The following ZNF35 variants were observed in gnomAD, a reference collection of about 807,000 sequenced individuals.
ZNF35 encodes the protein zinc finger protein 35 (clone HF.10).
A neutral mutation model predicts 45.9 loss-of-function variants in ZNF35; 31 were observed. The ratio of observed to expected loss-of-function variants is 0.68; its 90% CI spans 0.51 to 0.91. The LOEUF (loss-of-function observed/expected upper bound fraction) is 0.91. Among genes scored for constraint, ZNF35 ranks in the 40% least tolerant of loss-of-function variants. ZNF35 has a pLI of 0.00. For synonymous variants in ZNF35, 205 were observed against 220.2 expected, an observed-to-expected ratio of 0.93 and a Z score of 0.61; for missense variants, 515 against 625.4, an observed-to-expected ratio of 0.82 and a Z score of 1.88.
Position 44,660,599 on chromosome 3 carries a change from T to A in ZNF35, c.*652T>A, listed in dbSNP as rs1283995405. ...TGGGTCTGTTCTGACCATTCCCTAG[T>A]CTCCATGGCCAAGCACTCAAGGATT... On this transcript the variant is annotated 3_prime_UTR_variant, in exon 4 of 4. Coordinates refer to ENST00000396056, the MANE Select transcript of ZNF35 (RefSeq NM_003420.4). The A allele has an allele frequency of 6.6e-6, 1 of 152,214 alleles. No homozygotes were observed. The highest frequency in any genetic ancestry group is 1.5e-5 in the Non-Finnish European group (1 of 68,066). The allele number at this position is 152,214 out of a possible 1,614,324, so 9.4% of individuals were successfully genotyped here.
chr3:44,649,998 G>A (rs191572396), intron 1 of ZNF35, among the ~76,000 whole-genome samples: 1 of 152,238 alleles, frequency 6.6e-6, no homozygotes, highest in East Asian at 1.9e-4. Flanking sequence ...CAATATGTGT[G>A]AAGGTGAACA....
chr3:44,651,060 C>T lies in ZNF35; in HGVS notation c.-8C>T, dbSNP rs369773417. On this transcript the variant is annotated 5_prime_UTR_variant, in exon 2 of 4. It introduces an in-frame stop codon into an upstream open reading frame of the 5' UTR. Coordinates refer to ENST00000396056, the MANE Select transcript of ZNF35 (RefSeq NM_003420.4). Reference sequence around the variant, plus strand: ...CAGCTATAGGAGTTCCCCTGCTGAGCAGAGAAGATGACTGCAGAATTGAGA... The same window carrying T: ...CAGCTATAGGAGTTCCCCTGCTGAGTAGAGAAGATGACTGCAGAATTGAGA... 3.8e-5 allele frequency: 61 copies of T among 1,612,250 alleles called. No individual in the cohort carries two copies. The African/African-American group carries it at 7.3e-4, about 19-fold the overall frequency.
At chr3:44,654,208 C>T (rs528799693) in intron 3 of ZNF35, among the ~76,000 whole-genome samples, 108 of 152,298 alleles carry the variant, frequency 7.1e-4, no homozygotes, top group Non-Finnish European at 1.3e-3. Context: ...AGACCATGTT[C>T]ATACCCAAGA....
Position 44,651,211 on chromosome 3 carries a change from A to G in ZNF35, c.144A>G (p.Pro48=). 6.2e-7 allele frequency: 1 copy of G among 1,614,160 alleles called. No individual in the cohort carries two copies. The highest frequency in any genetic ancestry group is 8.5e-7 in the Non-Finnish European group (1 of 1,180,030). ...CCGAGAACATCAAAGTCTGGGCCCC[A>G]GTGCAGGGTCTTCAGACAGGCCTTG... is the stretch of plus-strand genomic sequence containing the variant. ...VHSENIKVWA[P]VQGLQTGLDG... is the part of the protein sequence containing the mutation. The change falls in exon 2 of 4, where the codon CCA becomes CCG. Residue 48 remains proline, a synonymous_variant. Coordinates refer to ENST00000396056, the MANE Select transcript of ZNF35 (RefSeq NM_003420.4).
At position 44,648,802 on chromosome 3, in the gene ZNF35, G is replaced by A. The variant is rs528964851; in HGVS notation, c.-160G>A. 7 of 152,450 alleles carry A rather than the reference G, an allele frequency of 4.6e-5. No individual in the cohort carries two copies. The highest frequency in any genetic ancestry group is 4.6e-4 in the Admixed American group (7 of 15,302). The allele number at this position is 152,450 out of a possible 1,614,324, so 9.4% of individuals were successfully genotyped here. A position where few individuals can be genotyped will look rare whatever the true frequency, so the allele number is the denominator to read the frequency against. On this transcript the variant is annotated 5_prime_UTR_variant, in exon 1 of 4. In the 5' UTR this introduces an upstream ATG that the reference lacks. Coordinates refer to ENST00000396056, the MANE Select transcript of ZNF35 (RefSeq NM_003420.4). Reference sequence around the variant, plus strand: ...CAGCCAGCCTCCTGCTGCAGAGCCAGTGAACTCAGGTCGGGCTTCTCAGCT... The same window carrying A: ...CAGCCAGCCTCCTGCTGCAGAGCCAATGAACTCAGGTCGGGCTTCTCAGCT...
chr3:44,652,740 G>A, intron 3 of ZNF35, 39 bp downstream of exon 3: 4 of 1,490,690 alleles, frequency 2.7e-6, no homozygotes, highest in Admixed American at 2.3e-5. Context: ...TGACCATTGG[G>A]GTTTCTCAAA....
chr3:44,651,235 T>C lies in ZNF35; in HGVS notation c.168T>C (p.Leu56=). Residue 56 remains leucine, a synonymous_variant, in exon 2 of 4, where the codon CTT becomes CTC. Transcript: ENST00000396056. ...CAGTGCAGGGTCTTCAGACAGGCCTTGATGGATCAGAAGAGGAAGAAAAGG... is the reference window on the plus strand; with the variant it reads ...CAGTGCAGGGTCTTCAGACAGGCCTCGATGGATCAGAAGAGGAAGAAAAGG... ...WAPVQGLQTG[L]DGSEEEEKGQ... is the part of the protein sequence containing the mutation. The C allele has an allele frequency of 6.2e-7, 1 of 1,613,422 alleles. No homozygotes were observed. Among genetic ancestry groups the C allele is most frequent in the Non-Finnish European group, 8.5e-7 (1 of 1,179,818 alleles).
chr3:44,659,903 A>G lies in ZNF35; in HGVS notation c.1540A>G (p.Asn514Asp), dbSNP rs2125845819. 1.9e-6 allele frequency: 3 copies of G among 1,593,180 alleles called. No homozygotes were observed. Among genetic ancestry groups the G allele is most frequent in the Admixed American group, 3.5e-5 (2 of 57,348 alleles). Reference protein sequence around the residue: ...CEKCGAAFISNSHLMRHHRTH... With the variant: ...CEKCGAAFISDSHLMRHHRTH... Reference sequence around the variant, plus strand: ...GAAGTGTGGTGCAGCTTTCATTTCCAACTCACACCTCATGCGACACCATAG... The same window carrying G: ...GAAGTGTGGTGCAGCTTTCATTTCCGACTCACACCTCATGCGACACCATAG... Residue 514 changes from asparagine to aspartate, a missense_variant, in exon 4 of 4, where the codon AAC becomes GAC. Asn to Asp is a conservative substitution (Grantham distance 23). This residue lies in a region of ZNF35 where 232 missense variants were observed against 304.6 expected (regional missense o/e 0.76). Coordinates refer to ENST00000396056, the MANE Select transcript of ZNF35 (RefSeq NM_003420.4). This position sits in a 1 kb window ranked among gnomAD's most constrained non-coding sequence, Gnocchi z 4.3.
Position 44,660,150 on chromosome 3 carries a change from A to G in ZNF35, c.*203A>G, listed in dbSNP as rs115539999. On this transcript the variant is annotated 3_prime_UTR_variant, in exon 4 of 4. Coordinates refer to ENST00000396056, the MANE Select transcript of ZNF35 (RefSeq NM_003420.4). ...AAAAAGTAAGCACCTAAAGGCAAGG[A>G]CTTTGTTTTAACTGTACCTTAAGCG... 263 of 495,450 alleles carry G rather than the reference A, an allele frequency of 5.3e-4. 2 individuals are homozygous for G. The highest frequency in any genetic ancestry group is 4.3e-3 in the African/African-American group (223 of 52,098). The allele number at this position is 495,450 out of a possible 1,614,324, so 30.7% of individuals were successfully genotyped here.
Position 44,659,519 on chromosome 3 carries a change from G to A in ZNF35, c.1156G>A (p.Gly386Ser), listed in dbSNP as rs1703365979. Residue 386 changes from glycine (G) to serine (S), a missense_variant, in exon 4 of 4, where the codon GGT becomes AGT. This residue lies in a region of ZNF35 where 232 missense variants were observed against 304.6 expected (regional missense o/e 0.76). Transcript: ENST00000396056. This position sits in a 1 kb window ranked among gnomAD's most constrained non-coding sequence, Gnocchi z 4.3. ...NLIVHQRSHTGEKPYECKECG... is the reference protein window; with the variant it reads ...NLIVHQRSHTSEKPYECKECG... ...TATTGTACATCAGCGAAGCCATACT[G>A]GTGAGAAGCCATATGAGTGTAAAGA... The A allele has an allele frequency of 6.2e-7, 1 of 1,614,042 alleles. No individual in the cohort carries two copies.
chr3:44,658,616 C>CAT (rs1309108971), intron 3 of ZNF35, 85 bp from the exon 4 acceptor site: 6 of 1,429,786 alleles, frequency 4.2e-6, no homozygotes, highest in Middle Eastern at 1.9e-4. Context: ...GCTGAAATCA[C>CAT]ATACTTCGTT....
rs10575761 is a variant in ZNF35, at chr3:44,650,068, TTGTGTGTG to T, written c.-127-855_-127-848del. Among the ~76,000 whole-genome samples the T allele has an allele frequency of 8.9e-3, 1,332 of 150,060 alleles. 21 individuals are homozygous for T. Among genetic ancestry groups the T allele is most frequent in the African/African-American group, 0.031 (1,274 of 40,990 alleles). On this transcript the variant is annotated intron_variant, in intron 1 of 3. Transcript: ENST00000396056. ...ACTCCCATCTAAACTGATAAGTACT[TTGTGTGTG>T]TGTGTGTGTGTGTGTGTAGTGTGTG...
intron 3 of ZNF35, among the ~76,000 whole-genome samples, chr3:44,654,800 CTTATG>C (rs1188638688): frequency 6.6e-6 from 1 of 152,048 alleles, no homozygotes; most frequent in African/African-American, 2.4e-5. Flanking sequence ...TTTTCTTTAA[CTTATG>C]TTCAGTTAAG....
chr3:44,653,383 T>C (rs1703240183), intron 3 of ZNF35, among the ~76,000 whole-genome samples: 1 of 152,204 alleles, frequency 6.6e-6, no homozygotes, highest in South Asian at 2.1e-4. Flanking sequence ...TCAGGTGTAT[T>C]TACCATACAA....
rs77986603 is a variant in ZNF35, at chr3:44,649,459, C to G, written c.-128+625C>G. On this transcript the variant is annotated intron_variant, in intron 1 of 3. Transcript: ENST00000396056. ...CAGGGGATTGAATAAGATTTCGCAC[C>G]CTTTTCCAATAAAACATTCAAAGGG... is the stretch of plus-strand genomic sequence containing the variant. Among the ~76,000 whole-genome samples the G allele has an allele frequency of 8.8e-3, 1,342 of 152,228 alleles. 22 individuals are homozygous for G. The highest frequency in any genetic ancestry group is 0.031 in the African/African-American group (1,284 of 41,532).
rs538793692 is a variant in ZNF35 at position 44,659,281 on chromosome 3, T to C, written c.918T>C (p.Phe306=). 1 of 1,613,918 alleles carries C rather than the reference T, an allele frequency of 6.2e-7. No homozygotes were observed. Among genetic ancestry groups the C allele is most frequent in the South Asian group, 1.1e-5 (1 of 91,010 alleles). Residue 306 remains phenylalanine (F), a synonymous_variant, in exon 4 of 4, where the codon TTT becomes TTC. Coordinates refer to ENST00000396056, the MANE Select transcript of ZNF35 (RefSeq NM_003420.4). This position sits in a 1 kb window ranked among gnomAD's most constrained non-coding sequence, Gnocchi z 4.3. Reference sequence around the variant, plus strand: ...AAATCCACTCCTTAGAAAAAACTTTTAAGTGCAATGAATGTGAGAAAGCCT... The same window carrying C: ...AAATCCACTCCTTAGAAAAAACTTTCAAGTGCAATGAATGTGAGAAAGCCT... ...HQKIHSLEKT[F]KCNECEKAFS... is the part of the protein sequence containing the mutation.
chr3:44,658,729 G>T lies in ZNF35; in HGVS notation c.366G>T (p.Leu122=). The change falls in exon 4 of 4, where the codon CTG becomes CTT. Residue 122 remains leucine, a synonymous_variant. Coordinates refer to ENST00000396056, the MANE Select transcript of ZNF35 (RefSeq NM_003420.4). ...CTGAAACCAAGAACCTACAGTTACTGGTTCCAAAAACTGAGATATGTGAGG... is the reference window on the plus strand; with the variant it reads ...CTGAAACCAAGAACCTACAGTTACTTGTTCCAAAAACTGAGATATGTGAGG... ...LGAETKNLQL[L]VPKTEICEEA... 1 of 1,579,360 alleles carries T rather than the reference G, an allele frequency of 6.3e-7. No individual in the cohort carries two copies.
Position 44,659,413 on chromosome 3 carries a change from T to C in ZNF35, c.1050T>C (p.Ile350=), listed in dbSNP as rs375244537. 8 of 1,612,024 alleles carry C rather than the reference T, an allele frequency of 5.0e-6. No homozygotes were observed. Among genetic ancestry groups the C allele is most frequent in the Non-Finnish European group, 6.8e-6 (8 of 1,178,978 alleles). ...GKTFTRSSNL[I]VHQRIHTGEK... ...CATTTACTAGGAGCTCAAACCTCATTGTCCACCAGAGGATCCACACTGGGG... is the reference window on the plus strand; with the variant it reads ...CATTTACTAGGAGCTCAAACCTCATCGTCCACCAGAGGATCCACACTGGGG... The change falls in exon 4 of 4, where the codon ATT becomes ATC. Residue 350 remains isoleucine, a synonymous_variant. Coordinates refer to ENST00000396056, the MANE Select transcript of ZNF35 (RefSeq NM_003420.4). This position sits in a 1 kb window ranked among gnomAD's most constrained non-coding sequence, Gnocchi z 4.3.
At chr3:44,655,334 T>A (rs1372335364) in intron 3 of ZNF35, among the ~76,000 whole-genome samples, 3 of 152,044 alleles carry the variant, frequency 2.0e-5, no homozygotes, top group Non-Finnish European at 2.9e-5. Context: ...CTTATAAATT[T>A]AGTAAATCAA....
Sources: gnomAD v4.1 joint callset for allele counts (sites outside exome capture counted in the v4.1 genomes callset) on GRCh38, gnomAD v4.1.1 for gene constraint, gnomAD v4.1.1 regional missense constraint, Gnocchi (gnomAD v3.1) non-coding constraint, MANE v1.5 for transcripts, NCBI Gene and HGNC (gene_info 2026-07-23, HGNC 2026-07-21) for gene names.